CORO2B: variants seen among roughly 807,000 people sequenced by gnomAD.
CORO2B encodes the protein coronin 2B, also known as coronin-2B.
Under a neutral mutation model 58.8 loss-of-function variants are expected in CORO2B, and 26 were observed. That is an observed-to-expected ratio of 0.44 (90% CI 0.32 to 0.61). The LOEUF (loss-of-function observed/expected upper bound fraction) is 0.61, where lower values mean the gene tolerates loss of function less well. CORO2B is among the 20% of genes least tolerant of loss of function. The pLI, the probability that CORO2B is intolerant of heterozygous loss-of-function variation, is 0.04. For synonymous variants in CORO2B, 242 were observed against 253.8 expected (o/e 0.95, Z 0.44); for missense variants, 460 against 645.1 (o/e 0.71, Z 3.11).
At chr15:68,712,077 G>A (rs957346141) in intron 5 of CORO2B, among the ~76,000 whole-genome samples, 2 of 152,218 alleles carry the variant, frequency 1.3e-5, no homozygotes, top group African/African-American at 4.8e-5. Context: ...CCACTTGATA[G>A]GATGAGCCTG....
chr15:68,701,127 G>A (rs1596024923), intron 3 of CORO2B, among the ~76,000 whole-genome samples: 1 of 152,098 alleles, frequency 6.6e-6, no homozygotes, highest in African/African-American at 2.4e-5. Flanking sequence ...TTTTGTAGAA[G>A]GAAGGTAGCC....
intron 2 of CORO2B, among the ~76,000 whole-genome samples, chr15:68,661,875 C>T (rs1017099572): frequency 1.3e-5 from 2 of 152,200 alleles, no homozygotes; most frequent in Admixed American, 6.5e-5. Flanking sequence ...GGTGTGATGG[C>T]GTGCACCTGT....
Position 68,632,362 on chromosome 15 carries a change from G to A in CORO2B, c.16-12798G>A, listed in dbSNP as rs748467956. 113 of 985,406 alleles carry A rather than the reference G, an allele frequency of 1.1e-4. No individual in the cohort carries two copies. In the Middle Eastern group the frequency reaches 2.1e-3, roughly 18 times the overall value. 61.0% of individuals were successfully genotyped at this position (985,406 alleles called of 1,614,324 possible). ...ACCTGGTAGGTAGCAGTGATAAAAC[G>A]CATTCAGCTCGGTCCAGTAGAGTTG... On this transcript the variant is annotated intron_variant, in intron 1 of 11. Coordinates refer to ENST00000261861, the MANE Select transcript of CORO2B (RefSeq NM_006091.5).
the CORO2B span, among the ~76,000 whole-genome samples, chr15:68,571,257 T>C: frequency 6.6e-6 from 1 of 152,200 alleles, no homozygotes; most frequent in African/African-American, 2.4e-5. Context: ...ACTCAGTACA[T>C]GTAAATACAG....
intron 1 of CORO2B, among the ~76,000 whole-genome samples, chr15:68,623,645 C>T (rs1900588173): frequency 6.6e-6 from 1 of 152,160 alleles, no homozygotes; most frequent in Non-Finnish European, 1.5e-5. Flanking sequence ...TCCTTTGCTC[C>T]AGAAATCCTG....
At chr15:68,672,886 C>T (rs1052586240) in intron 2 of CORO2B, among the ~76,000 whole-genome samples, 1 of 152,150 alleles carries the variant, frequency 6.6e-6, no homozygotes, top group Non-Finnish European at 1.5e-5. Flanking sequence ...AATGTGAGCT[C>T]GGCGACCTTA....
At chr15:68,550,902 C>A in the CORO2B span, among the ~76,000 whole-genome samples, 1 of 152,202 alleles carries the variant, frequency 6.6e-6, no homozygotes, top group African/African-American at 2.4e-5. Flanking sequence ...GCCCACCTGC[C>A]TCCCAGAGGG....
intron 2 of CORO2B, among the ~76,000 whole-genome samples, chr15:68,685,041 T>C (rs1902916500): frequency 6.6e-6 from 1 of 152,148 alleles, no homozygotes; most frequent in Non-Finnish European, 1.5e-5. Context: ...AAAAACATCT[T>C]TCATACTGAG....
the CORO2B span, among the ~76,000 whole-genome samples, chr15:68,523,446 C>G: frequency 1.4e-4 from 21 of 152,296 alleles, no homozygotes; most frequent in South Asian, 4.3e-3. Flanking sequence ...ATCCTCCCTC[C>G]TCAGCCTCCC....
At chr15:68,589,166 C>T (rs1004133214) in intron 1 of CORO2B, among the ~76,000 whole-genome samples, 1 of 152,144 alleles carries the variant, frequency 6.6e-6, no homozygotes, top group African/African-American at 2.4e-5. Context: ...TTTCTCAATC[C>T]TTGGAGTTCC....
the CORO2B span, among the ~76,000 whole-genome samples, chr15:68,550,249 G>T: frequency 6.6e-6 from 1 of 152,106 alleles, no homozygotes. Context: ...CCAAAGACGA[G>T]CTTAAAAGAA....
chr15:68,702,891 A>G (rs1428876762), intron 3 of CORO2B, among the ~76,000 whole-genome samples: 2 of 142,036 alleles, frequency 1.4e-5, no homozygotes, highest in Non-Finnish European at 3.0e-5. Flanking sequence ...CTGTGACACA[A>G]TCTTGGCTCA....
chr15:68,523,469 C>CT, the CORO2B span, among the ~76,000 whole-genome samples: 23 of 152,122 alleles, frequency 1.5e-4, no homozygotes, highest in Non-Finnish European at 3.2e-4. Context: ...AGTGCTGGGA[C>CT]TATAGGCATG....
chr15:68,564,765 A>C, the CORO2B span, among the ~76,000 whole-genome samples: 1 of 152,228 alleles, frequency 6.6e-6, no homozygotes. Flanking sequence ...AAATCATATC[A>C]ATGTTCTCCA....
chr15:68,531,135 C>T, the CORO2B span, among the ~76,000 whole-genome samples: 1 of 152,074 alleles, frequency 6.6e-6, no homozygotes, highest in Non-Finnish European at 1.5e-5. Context: ...TTTCCCCCAC[C>T]CATCCTTTAT....
Position 68,697,263 on chromosome 15 carries a change from T to C in CORO2B, c.333+2007T>C, listed in dbSNP as rs77273243. ...ATGGATTGTTGGGTGTATGACTACA[T>C]TGATGGATAGAGAGACGAATGAGTA... On this transcript the variant is annotated intron_variant, in intron 3 of 11. Transcript: ENST00000261861. Among the ~76,000 whole-genome samples, 942 of 152,204 alleles carry C rather than the reference T, an allele frequency of 6.2e-3. 16 individuals carry two copies. The highest frequency in any genetic ancestry group is 0.021 in the African/African-American group (879 of 41,508).
At position 68,714,680 on chromosome 15, in the gene CORO2B, G is replaced by C. The variant is rs1324776228; in HGVS notation, c.870+17G>C. 2 of 1,597,688 alleles carry C rather than the reference G, an allele frequency of 1.3e-6. No individual in the cohort carries two copies. Among genetic ancestry groups the C allele is most frequent in the Non-Finnish European group, 1.7e-6 (2 of 1,165,772 alleles). ...GCTGGAAAGGTAGTAGGAGGTGGGG[G>C]AGGGCCCGGGGCAGCCTGTGGGAGA... is the stretch of plus-strand genomic sequence containing the variant. On this transcript the variant is annotated intron_variant, in intron 7 of 11. Coordinates refer to ENST00000261861, the MANE Select transcript of CORO2B (RefSeq NM_006091.5).
At chr15:68,580,425 T>C (rs1305447266) in intron 1 of CORO2B, among the ~76,000 whole-genome samples, 1 of 151,694 alleles carries the variant, frequency 6.6e-6, no homozygotes, top group Non-Finnish European at 1.5e-5. Context: ...GTGCAAGTGA[T>C]GGAGGTGGGG....
chr15:68,679,640 A>C (rs1169050745), intron 2 of CORO2B, among the ~76,000 whole-genome samples: 1 of 152,216 alleles, frequency 6.6e-6, no homozygotes, highest in Non-Finnish European at 1.5e-5. Context: ...CCTGGGAGGA[A>C]GGAACTTGCT....
Sources: gnomAD v4.1 joint callset for allele counts (sites outside exome capture counted in the v4.1 genomes callset) on GRCh38, gnomAD v4.1.1 for gene constraint, MANE v1.5 for transcripts, NCBI Gene and HGNC (gene_info 2026-07-23, HGNC 2026-07-21) for gene names.